The following KIF20B variants were observed in gnomAD, a reference collection of about 807,000 sequenced individuals.
KIF20B encodes the protein kinesin-like protein KIF20B.
Under a neutral mutation model 232.5 loss-of-function variants are expected in KIF20B, and 188 were observed. That is an observed-to-expected ratio of 0.81 (90% CI 0.72 to 0.91). The LOEUF is 0.91. Ranked by LOEUF, KIF20B falls within the 40% of genes least tolerant of loss-of-function variation. KIF20B has a pLI of 0.00. For synonymous variants in KIF20B, 712 were observed against 683.0 expected (o/e 1.04, Z -0.66); for missense variants, 2,154 against 2,055.9 (o/e 1.05, Z -0.92).
intron 27 of KIF20B, among the ~76,000 whole-genome samples, chr10:89,759,663 A>G (rs1298663154): frequency 6.6e-6 from 1 of 152,180 alleles, no homozygotes; most frequent in East Asian, 1.9e-4. Context: ...GAGAAGAATT[A>G]CTTAACATTT....
intron 13 of KIF20B, among the ~76,000 whole-genome samples, chr10:89,720,618 ACT>A (rs1280373494): frequency 6.6e-6 from 1 of 152,234 alleles, no homozygotes; most frequent in Non-Finnish European, 1.5e-5. Context: ...CTTCAAAAAC[ACT>A]AATTGTTTGT....
chr10:89,722,396 G>A (rs10881636), intron 13 of KIF20B, among the ~76,000 whole-genome samples: 47,018 of 152,092 alleles, frequency 0.31, 8,183 homozygotes, highest in African/African-American at 0.46. Context: ...CCCGCCAGGC[G>A]CGGTGGCTCA....
At chr10:89,713,358 CAAAAAAA>C (rs34139175) in intron 6 of KIF20B, among the ~76,000 whole-genome samples, 7 of 88,654 alleles carry the variant, frequency 7.9e-5, no homozygotes, top group African/African-American at 3.1e-4. Context: ...AAGACTCTCT[CAAAAAAA>C]AAAAAAAAAA....
intron 6 of KIF20B, among the ~76,000 whole-genome samples, chr10:89,712,718 T>TG (rs1842859592): frequency 6.6e-6 from 1 of 152,166 alleles, no homozygotes; most frequent in African/African-American, 2.4e-5. Context: ...TTATATAAGG[T>TG]GGTACCATAT....
intron 2 of KIF20B, 67 bp downstream of exon 2, chr10:89,705,508 G>A: frequency 6.9e-7 from 1 of 1,458,138 alleles, no homozygotes; most frequent in Admixed American, 2.0e-5. Context: ...GGCAAACAAT[G>A]GCCTGTTTTT....
chr10:89,709,316 T>C, intron 3 of KIF20B, 29 bp from the exon 4 acceptor site: 1 of 1,591,906 alleles, frequency 6.3e-7, no homozygotes, highest in Non-Finnish European at 8.6e-7. Context: ...AAAATACTAG[T>C]TTTTATTTAT....
At chr10:89,730,367 A>G (rs1843291462) in intron 18 of KIF20B, among the ~76,000 whole-genome samples, 1 of 152,210 alleles carries the variant, frequency 6.6e-6, no homozygotes. Flanking sequence ...TTGGAATTAT[A>G]CAGATTAATA....
intron 28 of KIF20B, 54 bp from the exon 29 acceptor site, chr10:89,762,584 G>T (rs973982875): frequency 2.2e-6 from 3 of 1,365,006 alleles, no homozygotes; most frequent in Non-Finnish European, 3.1e-6. Context: ...ATTCTTTGTG[G>T]TTTATAAATG....
chr10:89,754,124 G>C (rs1223304154), intron 25 of KIF20B, among the ~76,000 whole-genome samples: 3 of 150,112 alleles, frequency 2.0e-5, no homozygotes, highest in Non-Finnish European at 4.4e-5. Context: ...TTGGCATCTC[G>C]TAGGCCCAGG....
At chr10:89,736,436 GAATTA>G (rs1331985877) in intron 19 of KIF20B, among the ~76,000 whole-genome samples, 7 of 152,232 alleles carry the variant, frequency 4.6e-5, no homozygotes, top group African/African-American at 4.8e-5. Flanking sequence ...GTGAACTTAT[GAATTA>G]AATTGTAGCT....
intron 29 of KIF20B, 50 bp downstream of exon 29, chr10:89,762,885 G>A (rs369935340): frequency 7.4e-7 from 1 of 1,359,130 alleles, no homozygotes; most frequent in Non-Finnish European, 1.0e-6. Context: ...TTATTATAAA[G>A]CTGTTATAGT....
intron 17 of KIF20B, among the ~76,000 whole-genome samples, chr10:89,728,642 G>A (rs970542544): frequency 1.1e-4 from 17 of 152,048 alleles, no homozygotes; most frequent in Non-Finnish European, 7.4e-5. Flanking sequence ...AGTAGTTAGG[G>A]TTACAGGTGG....
chr10:89,773,885 A>G (rs966245677), intron 32 of KIF20B, 86 bp from the exon 33 acceptor site: 7 of 685,656 alleles, frequency 1.0e-5, no homozygotes, highest in South Asian at 3.1e-5. Context: ...TACTAAGCAC[A>G]TGAACATGTC....
chr10:89,765,051 T>A (rs1842325571), intron 29 of KIF20B, among the ~76,000 whole-genome samples: 2 of 151,836 alleles, frequency 1.3e-5, no homozygotes, highest in African/African-American at 4.8e-5. Flanking sequence ...AAGTCTTTAA[T>A]CCATCTTGAA....
intron 29 of KIF20B, among the ~76,000 whole-genome samples, chr10:89,764,801 T>G (rs1353662573): frequency 6.6e-6 from 1 of 152,040 alleles, no homozygotes; most frequent in Non-Finnish European, 1.5e-5. Context: ...TATTAGCCCT[T>G]TGTCAGATGA....
chr10:89,752,792 T>C, intron 25 of KIF20B, 101 bp downstream of exon 25: 2 of 820,164 alleles, frequency 2.4e-6, no homozygotes, highest in Non-Finnish European at 1.7e-6. Flanking sequence ...TTCACTTAGA[T>C]ATGGGTGAAA....
intron 23 of KIF20B, among the ~76,000 whole-genome samples, chr10:89,748,234 T>C (rs1050784311): frequency 1.3e-5 from 2 of 152,236 alleles, no homozygotes; most frequent in African/African-American, 2.4e-5. Context: ...AGTCTTGAAC[T>C]CCTGACCTCA....
In KIF20B at chr10:89,754,646, G is replaced by A. The variant is rs746998465; in HGVS notation, c.4476G>A (p.Glu1492=). ...KEMKKYAEDR[E]RFFKQQNEME... is the part of the protein sequence containing the mutation. The stretch of plus-strand genomic sequence containing the variant: ...TGAAAAAATATGCTGAGGACAGGGA[G>A]CGTTTTTTTAAGCAACAGAATGAAA... Residue 1492 remains glutamate (E), a synonymous_variant, in exon 26 of 33, where the codon GAG becomes GAA. Coordinates refer to ENST00000371728, the MANE Select transcript of KIF20B (RefSeq NM_001284259.2). The A allele has an allele frequency of 2.5e-6, 4 of 1,586,650 alleles. No homozygotes were observed. The highest frequency in any genetic ancestry group is 1.4e-5 in the African/African-American group (1 of 73,592).
At position 89,774,130 on chromosome 10, in the gene KIF20B, AT is replaced by A; in HGVS notation, c.*83del. On this transcript the variant is annotated 3_prime_UTR_variant, in exon 33 of 33. Transcript: ENST00000371728. ...TCCTGTATTGTAAATATAAATGTAT[AT>A]ATTATGCATTAAATCACTCTGCATA... 3 of 774,284 alleles carry A rather than the reference AT, an allele frequency of 3.9e-6. No individual in the cohort carries two copies. The highest frequency in any genetic ancestry group is 6.1e-6 in the Non-Finnish European group (3 of 490,078). 48.0% of individuals were successfully genotyped at this position (774,284 alleles called of 1,614,324 possible).
Sources: gnomAD v4.1 joint callset for allele counts (sites outside exome capture counted in the v4.1 genomes callset) on GRCh38, gnomAD v4.1.1 for gene constraint, MANE v1.5 for transcripts, NCBI Gene and HGNC (gene_info 2026-07-23, HGNC 2026-07-21) for gene names.